The following KNDC1 variants were observed in gnomAD, a reference collection of about 807,000 sequenced individuals.
The protein encoded by KNDC1 is kinase non-catalytic C-lobe domain-containing protein 1.
KNDC1 carries 106 observed loss-of-function variants against 172.8 expected under a neutral mutation model. The observed-to-expected ratio is 0.61, with a 90% CI of 0.52 to 0.72. The LOEUF (loss-of-function observed/expected upper bound fraction) is 0.72. Ranked by LOEUF, KNDC1 falls within the 30% of genes least tolerant of loss-of-function variation. The pLI is 0.00. For missense variants in KNDC1, 2,325 were observed against 2,394.5 expected, an observed-to-expected ratio of 0.97 and a Z score of 0.61; for synonymous variants, 1,083 against 1,062.2, an observed-to-expected ratio of 1.02 and a Z score of -0.38.
chr10:133,181,042 G>A (rs189232702), intron 3 of KNDC1, among the ~76,000 whole-genome samples: 4 of 152,306 alleles, frequency 2.6e-5, no homozygotes, highest in Admixed American at 6.5e-5. Context: ...TTGGAATTGA[G>A]GCTTTGCACA....
chr10:133,197,028 C>T (rs1403303447), intron 10 of KNDC1, 30 bp from the exon 11 acceptor site: 11 of 1,582,370 alleles, frequency 7.0e-6, no homozygotes, highest in South Asian at 2.2e-5. Context: ...TGAGGCCTGT[C>T]GGGACGTGTG....
rs937897211 is a variant in KNDC1 at position 133,201,653 on chromosome 10, C to A, written c.3142C>A (p.Pro1048Thr). The A allele has an allele frequency of 6.2e-7, 1 of 1,612,946 alleles. No individual in the cohort carries two copies. ...CGTAAAAGCCGAGAGAGCGCAGCAG[C>A]CTGAGGCTGGCGAGGACAGACGGCC... Reference protein sequence around the residue: ...RSVKAERAQQPEAGEDRRPAG... With the variant: ...RSVKAERAQQTEAGEDRRPAG... The change falls in exon 17 of 30, where the codon CCT (proline) becomes ACT (threonine). Residue 1048 changes from proline to threonine, a missense_variant. Transcript: ENST00000304613.
At chr10:133,191,551 T>C (rs1479456566) in intron 9 of KNDC1, among the ~76,000 whole-genome samples, 1 of 151,494 alleles carries the variant, frequency 6.6e-6, no homozygotes, top group African/African-American at 2.4e-5. Flanking sequence ...AATACAAAAA[T>C]TAGCCAGGGG....
intron 2 of KNDC1, among the ~76,000 whole-genome samples, chr10:133,167,901 C>A (rs1040659092): frequency 6.6e-6 from 1 of 152,212 alleles, no homozygotes; most frequent in African/African-American, 2.4e-5. Context: ...CCAGTCCCGC[C>A]TGCCCTGCTG....
rs746793385 is a variant in KNDC1, at chr10:133,219,020, T to A, written c.4801-11T>A. On this transcript the variant is annotated splice_polypyrimidine_tract_variant and intron_variant, in intron 27 of 29. Coordinates refer to ENST00000304613, the MANE Select transcript of KNDC1 (RefSeq NM_152643.8). ...ACGGCCGCAGGAGGCTCACCTGTGC[T>A]TTCATTTCAGGCCTGGAGAATTCTG... is the stretch of plus-strand genomic sequence containing the variant. 6 of 1,613,868 alleles carry A rather than the reference T, an allele frequency of 3.7e-6. No homozygotes were observed. The highest frequency in any genetic ancestry group is 5.1e-6 in the Non-Finnish European group (6 of 1,179,982).
intron 3 of KNDC1, among the ~76,000 whole-genome samples, chr10:133,175,960 G>A (rs1217270802): frequency 1.3e-5 from 2 of 149,896 alleles, no homozygotes; most frequent in Admixed American, 6.6e-5. Context: ...ATGGATGGGT[G>A]GATGGATGGA....
In KNDC1 at chr10:133,186,681, G is replaced by C. The variant is rs750762105; in HGVS notation, c.1326+7G>C. On this transcript the variant is annotated splice_region_variant and intron_variant, in intron 6 of 29. Transcript: ENST00000304613. ...AAGTGCAGCCGCGGAGCAGGTGGGT[G>C]CCTGGGTCTTGTGTGTGGGTGGAGG... 154 of 1,565,490 alleles carry C rather than the reference G, an allele frequency of 9.8e-5. No individual in the cohort carries two copies. The highest frequency in any genetic ancestry group is 1.5e-4 in the Admixed American group (8 of 55,090).
In KNDC1 at chr10:133,185,969, C is replaced by T; in HGVS notation, c.626-5C>T. 2.2e-6 allele frequency: 3 copies of T among 1,348,076 alleles called. No individual in the cohort carries two copies. The highest frequency in any genetic ancestry group is 2.9e-6 in the Non-Finnish European group (3 of 1,026,640). 83.5% of individuals were successfully genotyped at this position (1,348,076 alleles called of 1,614,324 possible). On this transcript the variant is annotated splice_region_variant and splice_polypyrimidine_tract_variant and intron_variant, in intron 5 of 29. Coordinates refer to ENST00000304613, the MANE Select transcript of KNDC1 (RefSeq NM_152643.8). ...CAGCCGTGACCACATCTTGCTTGTG[C>T]CCAGATGTCAGCGAGAGCAGCTGGC...
At position 133,186,125 on chromosome 10, in the gene KNDC1, C is replaced by T; in HGVS notation, c.777C>T (p.Thr259=). The T allele has an allele frequency of 6.3e-7, 1 of 1,598,066 alleles. No homozygotes were observed. The highest frequency in any genetic ancestry group is 8.5e-7 in the Non-Finnish European group (1 of 1,173,158). ...ETSRGPRASP[T]KALLSTPVRN... ...GCCGGGGCCCCAGAGCCTCCCCAACCAAGGCTCTGCTGTCCACCCCGGTGA... is the reference window on the plus strand; with the variant it reads ...GCCGGGGCCCCAGAGCCTCCCCAACTAAGGCTCTGCTGTCCACCCCGGTGA... The change falls in exon 6 of 30, where the codon ACC becomes ACT. Residue 259 remains threonine (T), a synonymous_variant. Transcript: ENST00000304613.
Position 133,160,475 on chromosome 10 carries a change from C to T in KNDC1, c.8C>T (p.Ala3Val), listed in dbSNP as rs1438686530. Residue 3 changes from alanine to valine, a missense_variant, in exon 1 of 30, where the codon GCC becomes GTC. Transcript: ENST00000304613. The stretch of plus-strand genomic sequence containing the variant: ...GCGCGGCGCGGCCGCAGGATGCAGG[C>T]CATGGACCCGGCCGCGGCGGATCTT... Reference protein sequence around the residue: MQAMDPAAADLYE... With the variant: MQVMDPAAADLYE... 6 of 1,578,928 alleles carry T rather than the reference C, an allele frequency of 3.8e-6. No homozygotes were observed. The highest frequency in any genetic ancestry group is 1.8e-5 in the Admixed American group (1 of 56,384).
intron 7 of KNDC1, among the ~76,000 whole-genome samples, chr10:133,188,923 G>A: frequency 6.6e-6 from 1 of 152,070 alleles, no homozygotes; most frequent in Non-Finnish European, 1.5e-5. Context: ...CACCGAGGGA[G>A]GTGTGGGGAC....
intron 10 of KNDC1, 123 bp from the exon 11 acceptor site, chr10:133,196,935 T>G: frequency 2.8e-6 from 2 of 726,110 alleles, no homozygotes; most frequent in South Asian, 1.6e-5. Flanking sequence ...TGGGTGTCGG[T>G]GAGAACAAAC....
chr10:133,219,627 G>T (rs1470317562), intron 28 of KNDC1, among the ~76,000 whole-genome samples: 2 of 152,180 alleles, frequency 1.3e-5, no homozygotes, highest in Non-Finnish European at 2.9e-5. Context: ...CTGGTCAGCC[G>T]GGGTCTCATT....
chr10:133,181,161 G>A (rs1185243386), intron 3 of KNDC1, among the ~76,000 whole-genome samples: 1 of 151,824 alleles, frequency 6.6e-6, no homozygotes, highest in Non-Finnish European at 1.5e-5. Context: ...ACCCACTGAC[G>A]CCACACGGGG....
At position 133,170,456 on chromosome 10, in the gene KNDC1, C is replaced by T. The variant is rs980439133; in HGVS notation, c.360+2144C>T. ...TGGGGTCTCACACACAGGACAGCAC[C>T]GCGCTGCATCTCCTTCCTGCGTCAT... On this transcript the variant is annotated intron_variant, in intron 3 of 29. Coordinates refer to ENST00000304613, the MANE Select transcript of KNDC1 (RefSeq NM_152643.8). 3.3e-5 allele frequency among the ~76,000 whole-genome samples: 5 copies of T among 152,134 alleles called. 1 individual carries two copies. Among genetic ancestry groups the T allele is most frequent in the Admixed American group, 2.6e-4 (4 of 15,278 alleles).
chr10:133,218,226 T>G (rs902287729), intron 26 of KNDC1, among the ~76,000 whole-genome samples: 3 of 152,190 alleles, frequency 2.0e-5, no homozygotes, highest in Non-Finnish European at 2.9e-5. Flanking sequence ...GCCCTGGAAG[T>G]GGATCCAGGA....
At chr10:133,199,369 A>T in intron 14 of KNDC1, 89 bp from the exon 15 acceptor site, 1 of 1,568,798 alleles carries the variant, frequency 6.4e-7, no homozygotes, top group African/African-American at 1.3e-5. Flanking sequence ...CCCAGCCGAG[A>T]TCAGCCTTGT....
In KNDC1 at chr10:133,209,304, G is replaced by A. The variant is rs904488551; in HGVS notation, c.3795-1307G>A. Among the ~76,000 whole-genome samples the A allele has an allele frequency of 1.3e-5, 2 of 151,384 alleles. No homozygotes were observed. Among genetic ancestry groups the A allele is most frequent in the African/African-American group, 2.4e-5 (1 of 41,132 alleles). On this transcript the variant is annotated intron_variant, in intron 20 of 29. Transcript: ENST00000304613. The surrounding 1 kb of genome is among the most constrained non-coding windows in gnomAD (Gnocchi z 4.9). The stretch of plus-strand genomic sequence containing the variant: ...GTGTGGAGTATAGTGTGTGTGGTGT[G>A]GGGTACAGTGTGTGTGTGCACGTGT...
intron 9 of KNDC1, among the ~76,000 whole-genome samples, chr10:133,190,313 C>A (rs1316769417): frequency 6.9e-6 from 1 of 145,944 alleles, no homozygotes; most frequent in East Asian, 2.0e-4. Context: ...GCATTAAACA[C>A]CCTGCAGTAA....
Sources: gnomAD v4.1 joint callset for allele counts (sites outside exome capture counted in the v4.1 genomes callset) on GRCh38, gnomAD v4.1.1 for gene constraint, Gnocchi (gnomAD v3.1) non-coding constraint, MANE v1.5 for transcripts, NCBI Gene and HGNC (gene_info 2026-07-23, HGNC 2026-07-21) for gene names.